The following SKIC3 variants were observed in gnomAD, a reference collection of about 807,000 sequenced individuals.
SKIC3 encodes the protein SKI3 subunit of superkiller complex, also known as superkiller complex protein 3.
At chr5:95,464,111 GATAA>G in the SKIC3 span, 1 of 158,318 alleles carries the variant, frequency 6.3e-6, no homozygotes, top group Admixed American at 6.2e-5. Flanking sequence ...TGAATCACTA[GATAA>G]ATAGGTTACA....
chr5:95,464,431 C>T, the SKIC3 span: 8 of 516,076 alleles, frequency 1.6e-5, no homozygotes, highest in South Asian at 5.3e-5. Context: ...AGATTAAAAT[C>T]AGGTTTGGAG....
chr5:95,503,865 C>T, the SKIC3 span: 1 of 1,613,968 alleles, frequency 6.2e-7, no homozygotes, highest in Admixed American at 1.7e-5. Flanking sequence ...AATGCAAAAC[C>T]TATGATGTCT....
At chr5:95,522,020 A>C in the SKIC3 span, 1 of 1,611,838 alleles carries the variant, frequency 6.2e-7, no homozygotes, top group Middle Eastern at 1.7e-4. Flanking sequence ...CTTCAGGATC[A>C]TAAAAGTCAA....
the SKIC3 span, among the ~76,000 whole-genome samples, chr5:95,479,628 T>C: frequency 2.0e-5 from 3 of 152,054 alleles, no homozygotes; most frequent in African/African-American, 7.2e-5. Context: ...GCCTAATTTA[T>C]AAATTAAACT....
chr5:95,540,721 G>C, the SKIC3 span: 14 of 1,613,890 alleles, frequency 8.7e-6, no homozygotes, highest in East Asian at 6.7e-5. Context: ...CTGGTCCTCT[G>C]TACTTTCAGC....
the SKIC3 span, among the ~76,000 whole-genome samples, chr5:95,490,726 CTGACCTCG>C: frequency 1.4e-4 from 21 of 152,042 alleles, no homozygotes; most frequent in Non-Finnish European, 2.8e-4. Context: ...TCTCGATCTC[CTGACCTCG>C]TGATCTGCCC....
At chr5:95,495,180 T>G in the SKIC3 span, 1 of 649,488 alleles carries the variant, frequency 1.5e-6, no homozygotes, top group African/African-American at 1.8e-5. Flanking sequence ...TATTGTTGTT[T>G]GAAAAGACTA....
At chr5:95,486,546 C>T in the SKIC3 span, among the ~76,000 whole-genome samples, 1 of 152,198 alleles carries the variant, frequency 6.6e-6, no homozygotes, top group Non-Finnish European at 1.5e-5. Flanking sequence ...CTGCCTATCA[C>T]AGCCAGGGCC....
the SKIC3 span, among the ~76,000 whole-genome samples, chr5:95,531,489 T>C: frequency 7.2e-5 from 11 of 152,182 alleles, no homozygotes; most frequent in Non-Finnish European, 1.6e-4. Flanking sequence ...ATTCCAAAAA[T>C]AGATATGTCT....
chr5:95,501,192 G>GA, the SKIC3 span, among the ~76,000 whole-genome samples: 27 of 151,674 alleles, frequency 1.8e-4, no homozygotes, highest in Admixed American at 3.9e-4. Context: ...TTGCTCAAAG[G>GA]AAAAAAAATC....
At chr5:95,516,584 T>C in the SKIC3 span, 2 of 1,613,374 alleles carry the variant, frequency 1.2e-6, no homozygotes, top group East Asian at 2.2e-5. Flanking sequence ...TAATTTCCAA[T>C]ACCTGAAAAA....
chr5:95,522,080 T>A, the SKIC3 span: 1 of 1,613,700 alleles, frequency 6.2e-7, no homozygotes, highest in Non-Finnish European at 8.5e-7. Context: ...ATAATCTTCT[T>A]TCTTTTTAAT....
chr5:95,485,864 A>G, the SKIC3 span, among the ~76,000 whole-genome samples: 7 of 152,306 alleles, frequency 4.6e-5, no homozygotes, highest in South Asian at 2.1e-4. Flanking sequence ...CTCAACAGAA[A>G]AGTGACAGGA....
the SKIC3 span, among the ~76,000 whole-genome samples, chr5:95,477,965 A>T: frequency 0.012 from 1,825 of 152,356 alleles, 35 homozygotes; most frequent in African/African-American, 0.041. Context: ...TGTTCACTAT[A>T]CACATTTTTG....
the SKIC3 span, among the ~76,000 whole-genome samples, chr5:95,483,715 C>T: frequency 2.0e-5 from 3 of 152,314 alleles, no homozygotes; most frequent in African/African-American, 7.2e-5. Context: ...CTCTCTTTAA[C>T]CATTACATTA....
At chr5:95,482,535 C>T in the SKIC3 span, 1 of 1,613,910 alleles carries the variant, frequency 6.2e-7, no homozygotes, top group Non-Finnish European at 8.5e-7. Flanking sequence ...TCAAGTACAG[C>T]ATCTGGGAGT....
the SKIC3 span, chr5:95,482,583 G>A: frequency 6.2e-7 from 1 of 1,614,030 alleles, no homozygotes; most frequent in Non-Finnish European, 8.5e-7. Flanking sequence ...CACTGAACTT[G>A]TCTCAAAAGT....
the SKIC3 span, among the ~76,000 whole-genome samples, chr5:95,492,652 G>GAAAAAAAAAAAAAAAAAAAAA: frequency 1.0e-3 from 51 of 48,844 alleles, 15 homozygotes; most frequent in African/African-American, 1.7e-3. Flanking sequence ...AAAAAAAAAA[G>GAAAAAAAAAAAAAAAAAAAAA]AAAAAAAAAA....
chr5:95,475,535 G>A, the SKIC3 span, among the ~76,000 whole-genome samples: 2 of 152,038 alleles, frequency 1.3e-5, no homozygotes, highest in African/African-American at 2.4e-5. Flanking sequence ...AGCAGAAGTC[G>A]CTATGCTTAC....
Sources: allele counts gnomAD v4.1 joint callset (sites outside exome capture counted in the v4.1 genomes callset), GRCh38; gene constraint gnomAD v4.1.1; transcripts MANE v1.5; gene names NCBI Gene and HGNC (gene_info 2026-07-23, HGNC 2026-07-21).